The following CFAP47 variants were observed in gnomAD, a reference collection of about 807,000 sequenced individuals.
CFAP47 encodes cilia- and flagella-associated protein 47.
A neutral mutation model predicts 148.1 loss-of-function variants in CFAP47; 29 were observed. The observed-to-expected ratio is 0.20, with a 90% CI of 0.15 to 0.27. The LOEUF (loss-of-function observed/expected upper bound fraction) is 0.27, where lower values mean the gene tolerates loss of function less well. CFAP47 is among the 10% of genes least tolerant of loss of function. The pLI, the probability that CFAP47 is intolerant of heterozygous loss-of-function variation, is 1.00. For missense variants in CFAP47, 1,872 were observed against 1,697.5 expected, an observed-to-expected ratio of 1.10 and a Z score of -1.81; for synonymous variants, 664 against 577.3, an observed-to-expected ratio of 1.15 and a Z score of -2.15.
Position 36,235,551 on chromosome X carries a change from C to A in CFAP47, c.7015-383C>A, listed in dbSNP as rs935443070. On this transcript the variant is annotated intron_variant, in intron 46 of 63. Transcript: ENST00000378653. ...CTTTCTTTGACTAGGAAAGGGAACTCCCTGACCTCTTGTGCTTCCCGAGTG... is the reference window on the plus strand; with the variant it reads ...CTTTCTTTGACTAGGAAAGGGAACTACCTGACCTCTTGTGCTTCCCGAGTG... Among the ~76,000 whole-genome samples, 117 of 112,667 alleles carry A rather than the reference C, an allele frequency of 1.0e-3. 1 individual carries two copies. Among genetic ancestry groups the A allele is most frequent in the African/African-American group, 3.7e-3 (114 of 31,087 alleles).
chrX:36,214,054 C>T (rs1940132138), intron 45 of CFAP47, among the ~76,000 whole-genome samples: 2 of 110,963 alleles, frequency 1.8e-5, no homozygotes, highest in Admixed American at 1.9e-4. Flanking sequence ...GTGGTTTCAT[C>T]TTTGTACGAA....
intron 15 of CFAP47, among the ~76,000 whole-genome samples, chrX:35,983,211 T>C (rs922885605): frequency 2.7e-5 from 3 of 111,848 alleles, no homozygotes; most frequent in East Asian, 5.6e-4. Context: ...TTTGAGGCTA[T>C]TGTGATTGGG....
chrX:36,251,259 T>G (rs373002822), intron 48 of CFAP47, 74 bp from the exon 49 acceptor site: 3 of 324,252 alleles, frequency 9.3e-6, no homozygotes. Flanking sequence ...CTTGTTACAG[T>G]AATTTCATGT....
intron 41 of CFAP47, 122 bp downstream of exon 41, chrX:36,188,812 G>A (rs1032994608): frequency 2.8e-5 from 8 of 280,987 alleles, no homozygotes; most frequent in Non-Finnish European, 4.4e-5. Flanking sequence ...TAAGCCCTGG[G>A]GATTGCTGGC....
chrX:36,211,065 A>G (rs1272207242), intron 45 of CFAP47: 7 of 181,975 alleles, frequency 3.8e-5, no homozygotes, highest in Non-Finnish European at 7.3e-5. Context: ...GGTGAGAGCC[A>G]GAAGGGCACT....
intron 26 of CFAP47, among the ~76,000 whole-genome samples, chrX:36,053,267 C>A (rs1377750937): frequency 9.0e-6 from 1 of 111,647 alleles, no homozygotes; most frequent in Admixed American, 9.5e-5. Flanking sequence ...AGAAGAATTA[C>A]TAAGGATAGA....
At position 36,029,791 on chromosome X, in the gene CFAP47, C is replaced by A. The variant is rs1345767610; in HGVS notation, c.3557-1462C>A. On this transcript the variant is annotated intron_variant, in intron 22 of 63. Transcript: ENST00000378653. ...TATCTTAGGCAGTCTCTCTTATTGC[C>A]ATTTTCCTCATCTTTTTATTGAATT... Among the ~76,000 whole-genome samples, 3 of 109,837 alleles carry A rather than the reference C, an allele frequency of 2.7e-5. No homozygotes were observed. The South Asian group carries it at 1.1e-3, about 41-fold the overall frequency.
intron 36 of CFAP47, 87 bp downstream of exon 36, chrX:36,145,440 A>G: frequency 3.5e-6 from 1 of 288,224 alleles, no homozygotes; most frequent in Non-Finnish European, 6.1e-6. Context: ...CAAAATTAAC[A>G]GCAAGCGTCT....
intron 10 of CFAP47, among the ~76,000 whole-genome samples, chrX:35,969,168 C>T (rs745797538): frequency 2.8e-4 from 31 of 111,215 alleles, no homozygotes; most frequent in African/African-American, 1.0e-3. Context: ...TCTCAATGAA[C>T]ACTTTTTCAT....
chrX:36,056,074 C>T (rs1051351816), intron 26 of CFAP47, among the ~76,000 whole-genome samples: 2 of 111,197 alleles, frequency 1.8e-5, no homozygotes, highest in South Asian at 7.6e-4. Flanking sequence ...GTCAGATGGA[C>T]AGACTGCAAA....
chrX:36,014,043 TA>T (rs747704024), intron 21 of CFAP47, among the ~76,000 whole-genome samples: 1 of 112,273 alleles, frequency 8.9e-6, no homozygotes, highest in South Asian at 3.6e-4. Context: ...AAAGTAACTA[TA>T]AAATTTTGCG....
At chrX:35,969,916 CT>C (rs1214896386) in intron 10 of CFAP47, among the ~76,000 whole-genome samples, 2 of 110,344 alleles carry the variant, frequency 1.8e-5, no homozygotes, top group East Asian at 2.8e-4. Flanking sequence ...TGTTTTTTTT[CT>C]TTTTTTTCAT....
chrX:36,006,507 T>C (rs1479095705), intron 21 of CFAP47, among the ~76,000 whole-genome samples: 1 of 112,032 alleles, frequency 8.9e-6, no homozygotes, highest in Non-Finnish European at 1.9e-5. Context: ...TCCTCCACTA[T>C]ATTTATTGCT....
rs1180199697 is a variant in CFAP47 at position 36,179,334 on chromosome X, A to G, written c.6027-11A>G. ...ATCAATTAAAAATAATTATTTCTTC[A>G]TTTATTCCAGTGTCATTTTGGTGGA... On this transcript the variant is annotated splice_polypyrimidine_tract_variant and intron_variant, in intron 39 of 63. Coordinates refer to ENST00000378653, the MANE Select transcript of CFAP47 (RefSeq NM_001304548.2). 2 of 294,923 alleles carry G rather than the reference A, an allele frequency of 6.8e-6. No homozygotes were observed. Among genetic ancestry groups the G allele is most frequent in the Non-Finnish European group, 5.9e-6 (1 of 169,233 alleles). The allele number at this position is 294,923 out of a possible 1,213,427, so 24.3% of individuals were successfully genotyped here.
At chrX:36,251,311 G>C (rs1424389767) in intron 48 of CFAP47, 22 bp from the exon 49 acceptor site, 3 of 476,669 alleles carry the variant, frequency 6.3e-6, no homozygotes, top group Non-Finnish European at 1.1e-5. Context: ...CATAATTCTT[G>C]TTTCTGAATT....
At chrX:36,306,973 G>A (rs781922003) in intron 55 of CFAP47, 97 bp downstream of exon 55, 181 of 374,132 alleles carry the variant, frequency 4.8e-4, no homozygotes, top group Non-Finnish European at 7.3e-4. Context: ...ATCATATTTT[G>A]CAAGTAAAAC....
At chrX:35,988,753 A>G (rs974571336) in intron 15 of CFAP47, among the ~76,000 whole-genome samples, 2 of 112,003 alleles carry the variant, frequency 1.8e-5, no homozygotes, top group African/African-American at 6.5e-5. Context: ...CTCACTCCAA[A>G]TGTACCTGAT....
At chrX:36,185,105 G>A (rs972790126) in intron 40 of CFAP47, among the ~76,000 whole-genome samples, 4 of 111,008 alleles carry the variant, frequency 3.6e-5, no homozygotes. Flanking sequence ...TATTTATTTT[G>A]CACAGTTCTG....
intron 32 of CFAP47, among the ~76,000 whole-genome samples, chrX:36,101,517 A>G (rs767534188): frequency 4.5e-5 from 5 of 111,870 alleles, no homozygotes; most frequent in African/African-American, 1.6e-4. Context: ...GCAATTTCTC[A>G]TTACTCAATA....
Sources: allele counts gnomAD v4.1 joint callset (sites outside exome capture counted in the v4.1 genomes callset), GRCh38; gene constraint gnomAD v4.1.1; transcripts MANE v1.5; gene names NCBI Gene and HGNC (gene_info 2026-07-23, HGNC 2026-07-21).